Variants in ZNF805 observed in about 807,000 individuals in gnomAD.
The protein encoded by ZNF805 is CTC-444N24.8.
A neutral mutation model predicts 13.6 loss-of-function variants in ZNF805; 7 were observed. The ratio of observed to expected loss-of-function variants is 0.51; its 90% CI spans 0.29 to 0.97. The LOEUF (loss-of-function observed/expected upper bound fraction) is 0.97. ZNF805 is among the 50% of genes least tolerant of loss of function. The probability of loss-of-function intolerance (pLI) is 0.08; values close to 1 mark genes in which losing one functional copy is unlikely to be tolerated. For synonymous variants in ZNF805, 293 were observed against 279.8 expected, an observed-to-expected ratio of 1.05 and a Z score of -0.47; for missense variants, 604 against 771.0, an observed-to-expected ratio of 0.78 and a Z score of 2.57.
chr19:57,245,339 C>T (rs1307926170), intron 2 of ZNF805, among the ~76,000 whole-genome samples: 2 of 152,138 alleles, frequency 1.3e-5, no homozygotes, highest in East Asian at 3.9e-4. Context: ...CCTTCCCTGA[C>T]CACCGAATCT....
chr19:57,250,613 G>C (rs146706008), intron 3 of ZNF805, among the ~76,000 whole-genome samples: 1 of 152,276 alleles, frequency 6.6e-6, no homozygotes, highest in Non-Finnish European at 1.5e-5. Flanking sequence ...CTCTGTATCT[G>C]CTTTGTGCCT....
chr19:57,244,110 C>T (rs1351454873), intron 2 of ZNF805, 61 bp downstream of exon 2: 1 of 1,571,626 alleles, frequency 6.4e-7, no homozygotes, highest in African/African-American at 1.4e-5. Flanking sequence ...CACCCTCTGA[C>T]TCCAGGCCTG....
chr19:57,250,218 A>T (rs2087643154), intron 3 of ZNF805, among the ~76,000 whole-genome samples: 1 of 152,116 alleles, frequency 6.6e-6, no homozygotes, highest in African/African-American at 2.4e-5. Flanking sequence ...TATCACCTCC[A>T]TGAGACCTAT....
intron 3 of ZNF805, among the ~76,000 whole-genome samples, chr19:57,251,065 G>A (rs2087649174): frequency 6.6e-6 from 1 of 152,092 alleles, no homozygotes; most frequent in African/African-American, 2.4e-5. Context: ...TTGTTTACAT[G>A]TTTTTATATC....
At chr19:57,248,831 T>C (rs925113810) in intron 3 of ZNF805, 131 bp downstream of exon 3, 5 of 841,056 alleles carry the variant, frequency 5.9e-6, no homozygotes, top group Non-Finnish European at 9.7e-6. Flanking sequence ...TGGAGCCCTT[T>C]AACCTGTGGT....
rs909529609 is a variant in ZNF805, at chr19:57,245,595, C to T, written c.157+1546C>T. Among the ~76,000 whole-genome samples the T allele has an allele frequency of 9.8e-3, 1,453 of 148,040 alleles. 21 individuals are homozygous for T. Among genetic ancestry groups the T allele is most frequent in the Middle Eastern group, 0.014 (4 of 288 alleles). Reference sequence around the variant, plus strand: ...GAGATAGAGACCATCCTGGCTAACACGGTGCAACCCTGTCTCTACTAAAAA... The same window carrying T: ...GAGATAGAGACCATCCTGGCTAACATGGTGCAACCCTGTCTCTACTAAAAA... On this transcript the variant is annotated intron_variant, in intron 2 of 3. Coordinates refer to ENST00000414468, the MANE Select transcript of ZNF805 (RefSeq NM_001023563.4).
rs749471572 is a variant in ZNF805 at position 57,254,447 on chromosome 19, A to T, written c.1628A>T (p.Glu543Val). ...HTGEKPYECSECGKAFSRSSS... is the reference protein window; with the variant it reads ...HTGEKPYECSVCGKAFSRSSS... Reference sequence around the variant, plus strand: ...GGAGAGAAGCCGTATGAGTGCAGTGAATGTGGAAAGGCCTTCAGTCGCAGC... The same window carrying T: ...GGAGAGAAGCCGTATGAGTGCAGTGTATGTGGAAAGGCCTTCAGTCGCAGC... The change falls in exon 4 of 4, where the codon GAA becomes GTA. Residue 543 changes from glutamate (E) to valine (V), a missense_variant. Glu to Val is a moderately radical substitution (Grantham distance 121). Coordinates refer to ENST00000414468, the MANE Select transcript of ZNF805 (RefSeq NM_001023563.4). The T allele has an allele frequency of 1.9e-6, 3 of 1,614,262 alleles. No individual in the cohort carries two copies. Among genetic ancestry groups the T allele is most frequent in the Non-Finnish European group, 2.5e-6 (3 of 1,180,052 alleles).
rs2014572 is a variant in ZNF805, at chr19:57,248,650, G to A, written c.203G>A (p.Gly68Glu). ...GAGCTGATCTACCACCTAGAGCATG[G>A]GCAGGAGCCATGGACCAGGAAGGAA... is the stretch of plus-strand genomic sequence containing the variant. ...RPELIYHLEH[G>E]QEPWTRKEDL... Residue 68 changes from glycine (G) to glutamate (E), a missense_variant, in exon 3 of 4, where the codon GGG becomes GAG. By Grantham distance (98) the Gly-to-Glu change is moderately conservative. This residue lies in a region of ZNF805 where 327 missense variants were observed against 378.2 expected (regional missense o/e 0.86). Coordinates refer to ENST00000414468, the MANE Select transcript of ZNF805 (RefSeq NM_001023563.4). 782,864 of 1,596,036 alleles carry A rather than the reference G, an allele frequency of 0.49. 197,680 individuals carry two copies. The highest frequency in any genetic ancestry group is 0.52 in the Non-Finnish European group (603,608 of 1,169,696).
intron 2 of ZNF805, among the ~76,000 whole-genome samples, chr19:57,245,203 T>C (rs1440251774): frequency 1.3e-5 from 2 of 152,226 alleles, no homozygotes; most frequent in Non-Finnish European, 2.9e-5. Context: ...GGCTTCTTGC[T>C]ATTTCCCCAA....
chr19:57,258,080 G>A lies in ZNF805; in HGVS notation c.*3377G>A, dbSNP rs1385543718. Among the ~76,000 whole-genome samples, 1 of 145,012 alleles carries A rather than the reference G, an allele frequency of 6.9e-6. No homozygotes were observed. Among genetic ancestry groups the A allele is most frequent in the African/African-American group, 2.6e-5 (1 of 38,738 alleles). ...TGGCTGGAGTGCAGTGGCGCAGTCT[G>A]CAACCTCTGCCTCCCGGGTTCAAGC... On this transcript the variant is annotated 3_prime_UTR_variant, in exon 4 of 4. Transcript: ENST00000414468.
intron 2 of ZNF805, among the ~76,000 whole-genome samples, chr19:57,245,168 A>T (rs1261740365): frequency 6.6e-6 from 1 of 152,070 alleles, no homozygotes; most frequent in Non-Finnish European, 1.5e-5. Context: ...TCTGATTCTA[A>T]AGTCACTCTG....
intron 2 of ZNF805, among the ~76,000 whole-genome samples, chr19:57,246,369 C>T (rs906668162): frequency 6.6e-6 from 1 of 152,142 alleles, no homozygotes; most frequent in Non-Finnish European, 1.5e-5. Flanking sequence ...TGATTTATTG[C>T]TACATTTTCA....
chr19:57,245,736 A>ATG (rs2087613407), intron 2 of ZNF805, among the ~76,000 whole-genome samples: 4 of 151,334 alleles, frequency 2.6e-5, no homozygotes, highest in East Asian at 3.9e-4. Context: ...CTGAGATTGC[A>ATG]CCACTGCACT....
chr19:57,244,476 G>T (rs2087599458), intron 2 of ZNF805, among the ~76,000 whole-genome samples: 1 of 151,988 alleles, frequency 6.6e-6, no homozygotes, highest in South Asian at 2.1e-4. Flanking sequence ...CTCCCAAAGT[G>T]CTGGGATTAC....
chr19:57,248,644 A>G lies in ZNF805; in HGVS notation c.197A>G (p.Glu66Gly), dbSNP rs890007879. Residue 66 changes from glutamate (E) to glycine (G), a missense_variant, in exon 3 of 4, where the codon GAG becomes GGG. Physicochemically the swap from Glu to Gly is moderately conservative, Grantham distance 98 (BLOSUM62 -2). Transcript: ENST00000414468. ...VPRPELIYHL[E>G]HGQEPWTRKE... The stretch of plus-strand genomic sequence containing the variant: ...AGACCTGAGCTGATCTACCACCTAG[A>G]GCATGGGCAGGAGCCATGGACCAGG... 5.0e-6 allele frequency: 8 copies of G among 1,600,332 alleles called. No individual in the cohort carries two copies. Among genetic ancestry groups the G allele is most frequent in the Non-Finnish European group, 6.8e-6 (8 of 1,173,008 alleles).
At chr19:57,247,156 C>T (rs967888918) in intron 2 of ZNF805, among the ~76,000 whole-genome samples, 9 of 151,952 alleles carry the variant, frequency 5.9e-5, no homozygotes, top group East Asian at 1.9e-4. Context: ...ACTACAGATG[C>T]GAGCCACTGC....
chr19:57,251,066 T>C (rs1402898436), intron 3 of ZNF805, among the ~76,000 whole-genome samples: 1 of 152,232 alleles, frequency 6.6e-6, no homozygotes, highest in Non-Finnish European at 1.5e-5. Context: ...TGTTTACATG[T>C]TTTTATATCA....
Position 57,254,297 on chromosome 19 carries a change from A to G in ZNF805, c.1478A>G (p.Asn493Ser), listed in dbSNP as rs773096539. Residue 493 changes from asparagine (N) to serine (S), a missense_variant, in exon 4 of 4, where the codon AAC (asparagine) becomes AGC (serine). Around this residue, in one of 3 missense-constraint regions of ZNF805, gnomAD observed 228 missense variants for 352.8 expected, o/e 0.65. Coordinates refer to ENST00000414468, the MANE Select transcript of ZNF805 (RefSeq NM_001023563.4). ...TGCATGGAGTGTGGAAAGGCCTTCA[A>G]CCGCAGGTCAGGCCTCACAAGGCAC... The part of the protein sequence containing the change: ...YECMECGKAF[N>S]RRSGLTRHQR... 3.7e-6 allele frequency: 6 copies of G among 1,613,670 alleles called. No homozygotes were observed. Among genetic ancestry groups the G allele is most frequent in the Non-Finnish European group, 4.2e-6 (5 of 1,179,930 alleles).
In ZNF805 at chr19:57,256,933, T is replaced by C. The variant is rs1307113705; in HGVS notation, c.*2230T>C. Reference sequence around the variant, plus strand: ...CTTTTTTAATATAAGCTTTAAGTTCTATACATTTTTCTTACACTGCTGTTA... The same window carrying C: ...CTTTTTTAATATAAGCTTTAAGTTCCATACATTTTTCTTACACTGCTGTTA... On this transcript the variant is annotated 3_prime_UTR_variant, in exon 4 of 4. Coordinates refer to ENST00000414468, the MANE Select transcript of ZNF805 (RefSeq NM_001023563.4). Among the ~76,000 whole-genome samples, 2 of 152,204 alleles carry C rather than the reference T, an allele frequency of 1.3e-5. No homozygotes were observed. The highest frequency in any genetic ancestry group is 2.9e-5 in the Non-Finnish European group (2 of 68,034).
Sources: gnomAD v4.1 joint callset for allele counts (sites outside exome capture counted in the v4.1 genomes callset) on GRCh38, gnomAD v4.1.1 for gene constraint, gnomAD v4.1.1 regional missense constraint, MANE v1.5 for transcripts, NCBI Gene and HGNC (gene_info 2026-07-23, HGNC 2026-07-21) for gene names.